Variants in ASTN2 observed in about 807,000 individuals in gnomAD.
The protein encoded by ASTN2 is astrotactin-2.
ASTN2 carries 54 observed loss-of-function variants against 139.8 expected under a neutral mutation model. The ratio of observed to expected loss-of-function variants is 0.39; its 90% CI spans 0.31 to 0.48. The LOEUF is 0.48. ASTN2 is among the 20% of genes least tolerant of loss of function. ASTN2 has a pLI of 0.95. For missense variants in ASTN2, 1,565 were observed against 1,725.1 expected (o/e 0.91, Z 1.64); for synonymous variants, 756 against 719.5 (o/e 1.05, Z -0.81).
At chr9:117,138,052 T>A (rs1829992985) in intron 4 of ASTN2, among the ~76,000 whole-genome samples, 1 of 152,194 alleles carries the variant, frequency 6.6e-6, no homozygotes, top group South Asian at 2.1e-4. Context: ...CCAGTGATCT[T>A]TGATGTTAAT....
intron 4 of ASTN2, among the ~76,000 whole-genome samples, chr9:117,111,399 C>A (rs575206030): frequency 6.6e-6 from 1 of 151,240 alleles, no homozygotes; most frequent in Non-Finnish European, 1.5e-5. Context: ...CAAATATATG[C>A]ACCAAATAGA....
At chr9:116,901,258 C>A (rs968642813) in intron 10 of ASTN2, among the ~76,000 whole-genome samples, 2 of 152,158 alleles carry the variant, frequency 1.3e-5, no homozygotes, top group Non-Finnish European at 2.9e-5. Context: ...GGTGCAGTGG[C>A]TTACACCCAT....
chr9:116,882,828 TAA>T (rs201560268), intron 10 of ASTN2, among the ~76,000 whole-genome samples: 1 of 144,390 alleles, frequency 6.9e-6, no homozygotes, highest in African/African-American at 2.6e-5. Flanking sequence ...CCTTGACTCT[TAA>T]AAAAAAAAAA....
chr9:116,838,115 TG>T (rs1564295693), intron 11 of ASTN2, among the ~76,000 whole-genome samples: 14 of 139,654 alleles, frequency 1.0e-4, no homozygotes, highest in Admixed American at 2.9e-4. Context: ...TTTTTTGTTT[TG>T]TTTTGTTTTT....
intron 13 of ASTN2, among the ~76,000 whole-genome samples, chr9:116,799,824 G>A (rs748596271): frequency 2.3e-4 from 35 of 152,096 alleles, no homozygotes; most frequent in Non-Finnish European, 5.0e-4. Flanking sequence ...AAGGAAAGGG[G>A]ATTCTGACAG....
chr9:116,763,809 G>T (rs1397466726), intron 13 of ASTN2, among the ~76,000 whole-genome samples: 1 of 152,160 alleles, frequency 6.6e-6, no homozygotes, highest in South Asian at 2.1e-4. Flanking sequence ...TACCCAGTAA[G>T]CTCTCCTATG....
chr9:117,040,981 G>T (rs985300410), intron 5 of ASTN2, among the ~76,000 whole-genome samples: 1 of 152,218 alleles, frequency 6.6e-6, no homozygotes, highest in Non-Finnish European at 1.5e-5. Context: ...AGGGGGAAAA[G>T]TCAAGCTTAT....
intron 3 of ASTN2, among the ~76,000 whole-genome samples, chr9:117,153,196 C>T (rs545416962): frequency 6.6e-6 from 1 of 152,154 alleles, no homozygotes; most frequent in South Asian, 2.1e-4. Flanking sequence ...GCATCTGACA[C>T]CACCAAGAGG....
intron 16 of ASTN2, among the ~76,000 whole-genome samples, chr9:116,673,180 T>G (rs1275928126): frequency 1.3e-5 from 2 of 152,214 alleles, no homozygotes; most frequent in East Asian, 3.9e-4. Flanking sequence ...GCCCCTATGC[T>G]TGGGGCTGCT....
chr9:116,525,956 C>A (rs1851072034), intron 19 of ASTN2, among the ~76,000 whole-genome samples: 1 of 152,096 alleles, frequency 6.6e-6, no homozygotes. Flanking sequence ...CTATGCTATT[C>A]CCTCAACTTG....
chr9:116,433,182 G>A (rs1847550124), intron 22 of ASTN2, among the ~76,000 whole-genome samples: 1 of 152,062 alleles, frequency 6.6e-6, no homozygotes, highest in Non-Finnish European at 1.5e-5. Context: ...AAATCTAGTT[G>A]GTTTTTAATA....
At chr9:116,606,209 G>A (rs1196341674) in intron 19 of ASTN2, among the ~76,000 whole-genome samples, 1 of 152,110 alleles carries the variant, frequency 6.6e-6, no homozygotes, top group East Asian at 1.9e-4. Context: ...CAAAACAACT[G>A]GAACAGGAGA....
Position 117,414,832 on chromosome 9 carries a change from A to AGCAGCAGCG in ASTN2, c.98_106dup (p.Pro33_Leu35dup), listed in dbSNP as rs780693391. 6.8e-6 allele frequency: 8 copies of AGCAGCAGCG among 1,178,190 alleles called. No individual in the cohort carries two copies. The East Asian group carries it at 3.2e-4, about 48-fold the overall frequency. The allele number at this position is 1,178,190 out of a possible 1,614,324, so 73.0% of individuals were successfully genotyped here. On this transcript the variant is annotated inframe_insertion, in exon 1 of 23. Transcript: ENST00000313400. This position sits in a 1 kb window ranked among gnomAD's most constrained non-coding sequence, Gnocchi z 4.2. Reference sequence around the variant, plus strand: ...CGGCGGCAGCAGGAGCAGGAACAGCAGCAGCAGCGGCAGCAGTGGCGGCGG... The same window carrying AGCAGCAGCG: ...CGGCGGCAGCAGGAGCAGGAACAGCAGCAGCAGCGGCAGCAGCGGCAGCAGTGGCGGCGG...
chr9:117,343,020 G>T (rs1270967926), intron 1 of ASTN2, among the ~76,000 whole-genome samples: 2 of 152,146 alleles, frequency 1.3e-5, no homozygotes, highest in Non-Finnish European at 2.9e-5. Context: ...AAGGGGAATA[G>T]TTCCCCCCTC....
At chr9:117,121,607 T>C (rs1158497197) in intron 4 of ASTN2, among the ~76,000 whole-genome samples, 1 of 152,216 alleles carries the variant, frequency 6.6e-6, no homozygotes, top group African/African-American at 2.4e-5. Flanking sequence ...TAGGCTGTGA[T>C]GCAAACAACC....
At chr9:117,400,512 T>C (rs1181678061) in intron 1 of ASTN2, among the ~76,000 whole-genome samples, 3 of 152,154 alleles carry the variant, frequency 2.0e-5, no homozygotes, top group African/African-American at 7.2e-5. Flanking sequence ...AACCCTGCCA[T>C]TGGCAGACCA....
chr9:117,308,215 A>G (rs1835051008), intron 1 of ASTN2, among the ~76,000 whole-genome samples: 1 of 68,486 alleles, frequency 1.5e-5, no homozygotes, highest in African/African-American at 4.0e-5. Flanking sequence ...CTGGGGCAAA[A>G]TCAATCAATC....
chr9:117,286,473 G>A (rs1270425976), intron 2 of ASTN2, among the ~76,000 whole-genome samples: 1 of 151,250 alleles, frequency 6.6e-6, no homozygotes, highest in African/African-American at 2.4e-5. Flanking sequence ...CACGAGGTCC[G>A]GAGATCAAGA....
intron 16 of ASTN2, among the ~76,000 whole-genome samples, chr9:116,702,348 C>G (rs1369132350): frequency 6.6e-6 from 1 of 152,022 alleles, no homozygotes; most frequent in Non-Finnish European, 1.5e-5. Context: ...CTAAACAGTT[C>G]CTTTCTTCTT....
Sources: gnomAD v4.1 joint callset for allele counts (sites outside exome capture counted in the v4.1 genomes callset) on GRCh38, gnomAD v4.1.1 for gene constraint, Gnocchi (gnomAD v3.1) non-coding constraint, MANE v1.5 for transcripts, NCBI Gene and HGNC (gene_info 2026-07-23, HGNC 2026-07-21) for gene names.